The following RNASET2 variants were observed in gnomAD, a reference collection of about 807,000 sequenced individuals.
RNASET2 encodes ribonuclease T2, also known as ribonuclease 6.
RNASET2 carries 28 observed loss-of-function variants against 33.9 expected under a neutral mutation model. The observed-to-expected ratio is 0.83, with a 90% CI of 0.61 to 1.13. The LOEUF (loss-of-function observed/expected upper bound fraction) is 1.13. Among genes scored for constraint, RNASET2 ranks in the 50% most tolerant of loss-of-function variants. The pLI, the probability that RNASET2 is intolerant of heterozygous loss-of-function variation, is 0.00. For missense variants in RNASET2, 330 were observed against 319.9 expected (o/e 1.03, Z -0.24); for synonymous variants, 123 against 121.0 (o/e 1.02, Z -0.11).
rs1447287930 is a variant in RNASET2 at position 166,927,365 on chromosome 6, C to T, written c.*2223G>A. Among the ~76,000 whole-genome samples the T allele has an allele frequency of 6.6e-6, 1 of 152,084 alleles. No homozygotes were observed. Among genetic ancestry groups the T allele is most frequent in the Admixed American group, 6.6e-5 (1 of 15,262 alleles). On this transcript the variant is annotated 3_prime_UTR_variant, in exon 9 of 9. Transcript: ENST00000508775. ...GCTTGTGCTCATGTTTTGAACCATC[C>T]AGCCCCTCACCAGTGCCTTCTTCCA...
intron 1 of RNASET2, among the ~76,000 whole-genome samples, chr6:166,955,175 CCA>C (rs144459587): frequency 0.093 from 12,195 of 131,052 alleles, 1,018 homozygotes; most frequent in African/African-American, 0.17. Context: ...TGGGCGGCTG[CCA>C]CACACACACA....
intron 1 of RNASET2, among the ~76,000 whole-genome samples, chr6:166,955,273 GCACACACGACACACA>G (rs1779104553): frequency 3.5e-5 from 3 of 84,728 alleles, no homozygotes; most frequent in African/African-American, 1.7e-4. Context: ...ACACACACGC[GCACACACGACACACA>G]CGCACAGACG....
chr6:166,938,397 T>A (rs973911580), intron 6 of RNASET2, among the ~76,000 whole-genome samples: 1 of 151,992 alleles, frequency 6.6e-6, no homozygotes. Flanking sequence ...TTCTCAAGAA[T>A]AGAGGTGAGG....
intron 6 of RNASET2, among the ~76,000 whole-genome samples, chr6:166,936,034 G>A (rs1241896534): frequency 6.6e-6 from 1 of 152,088 alleles, no homozygotes; most frequent in Non-Finnish European, 1.5e-5. Flanking sequence ...TGTGATACCA[G>A]TTTACAAGGA....
At chr6:166,939,299 C>T (rs1378073736) in intron 5 of RNASET2, among the ~76,000 whole-genome samples, 2 of 152,182 alleles carry the variant, frequency 1.3e-5, no homozygotes, top group Non-Finnish European at 2.9e-5. Context: ...TGCCATTGCA[C>T]TATAGCCTGG....
chr6:166,955,507 T>C (rs1779142543), intron 1 of RNASET2: 1 of 986,216 alleles, frequency 1.0e-6, no homozygotes. Flanking sequence ...CCCGCCGCAG[T>C]GAAAGCTGAA....
At chr6:166,943,927 C>A in intron 4 of RNASET2, 1 of 284,702 alleles carries the variant, frequency 3.5e-6, no homozygotes, top group Non-Finnish European at 7.3e-6. Context: ...CGAGACCATC[C>A]TGGCCAACCT....
At chr6:166,950,213 G>A (rs113174740) in intron 2 of RNASET2, among the ~76,000 whole-genome samples, 6,320 of 152,070 alleles carry the variant, frequency 0.042, 240 homozygotes, top group African/African-American at 0.097. Flanking sequence ...CCTCCTCCAC[G>A]GTCCTTCTTC....
chr6:166,948,510 G>T, intron 3 of RNASET2, 60 bp downstream of exon 3: 1 of 1,001,566 alleles, frequency 1.0e-6, no homozygotes. Flanking sequence ...CCACATTCAA[G>T]CTAGGGTTCC....
chr6:166,952,866 A>G, intron 1 of RNASET2: 1 of 373,144 alleles, frequency 2.7e-6, no homozygotes, highest in South Asian at 2.4e-5. Context: ...GAAGCCACTG[A>G]GCCACGAAGC....
intron 6 of RNASET2, 82 bp from the exon 7 acceptor site, chr6:166,934,218 G>A (rs989282013): frequency 3.2e-6 from 3 of 932,406 alleles, no homozygotes; most frequent in African/African-American, 1.6e-5. Flanking sequence ...CATATTTCAT[G>A]GTAAAAATTA....
chr6:166,945,843 A>AAAAG (rs1554268872), intron 4 of RNASET2, among the ~76,000 whole-genome samples: 13 of 146,310 alleles, frequency 8.9e-5, no homozygotes, highest in African/African-American at 3.5e-4. Context: ...AAAAAAAAAA[A>AAAAG]AAAAGAAAAG....
intron 1 of RNASET2, 70 bp downstream of exon 1, chr6:166,956,027 G>A (rs1779156406): frequency 7.0e-7 from 1 of 1,434,532 alleles, no homozygotes; most frequent in Non-Finnish European, 9.6e-7. Context: ...GAGAGCTGCA[G>A]CCTTCACCCA....
chr6:166,931,007 T>A (rs1330797744), intron 8 of RNASET2, 37 bp downstream of exon 8: 92 of 1,455,290 alleles, frequency 6.3e-5, no homozygotes, highest in Non-Finnish European at 8.7e-5. Flanking sequence ...ACCTGTCTTC[T>A]TGAGAAAAAA....
At chr6:166,930,968 G>T in intron 8 of RNASET2, 76 bp downstream of exon 8, 2 of 1,003,050 alleles carry the variant, frequency 2.0e-6, no homozygotes, top group Non-Finnish European at 1.6e-6. Flanking sequence ...GGAACTGCAT[G>T]GTGAAGACAA....
rs375870122 is a variant in RNASET2 at position 166,952,427 on chromosome 6, C to T, written c.147+61G>A. Reference sequence around the variant, plus strand: ...TGGGTGCCCTGGACGGGCACGTGCACACAAACCCCTCTTCACAGGGCTCCC... The same window carrying T: ...TGGGTGCCCTGGACGGGCACGTGCATACAAACCCCTCTTCACAGGGCTCCC... On this transcript the variant is annotated intron_variant, in intron 2 of 8. Coordinates refer to ENST00000508775, the MANE Select transcript of RNASET2 (RefSeq NM_003730.6). 9 of 1,480,920 alleles carry T rather than the reference C, an allele frequency of 6.1e-6. No individual in the cohort carries two copies. The African/African-American group carries it at 1.2e-4, about 21-fold the overall frequency. The allele number at this position is 1,480,920 out of a possible 1,614,324, so 91.7% of individuals were successfully genotyped here. A position where few individuals can be genotyped will look rare whatever the true frequency, so the allele number is the denominator to read the frequency against.
intron 6 of RNASET2, among the ~76,000 whole-genome samples, chr6:166,935,836 G>C (rs957723529): frequency 6.6e-6 from 1 of 152,118 alleles, no homozygotes; most frequent in Non-Finnish European, 1.5e-5. Context: ...ACCATGCCCA[G>C]CTAATTTTTG....
At position 166,927,111 on chromosome 6, in the gene RNASET2, C is replaced by T. The variant is rs981194500; in HGVS notation, c.*2477G>A. Among the ~76,000 whole-genome samples, 1 of 152,204 alleles carries T rather than the reference C, an allele frequency of 6.6e-6. No homozygotes were observed. The highest frequency in any genetic ancestry group is 1.9e-4 in the East Asian group (1 of 5,202). ...AACCGTGTGGTCAGAGTTGCATCTT[C>T]CTGAGTTGAATCTGGAAAATGCACG... On this transcript the variant is annotated 3_prime_UTR_variant, in exon 9 of 9. Coordinates refer to ENST00000508775, the MANE Select transcript of RNASET2 (RefSeq NM_003730.6).
intron 4 of RNASET2, among the ~76,000 whole-genome samples, chr6:166,945,830 CAAAAAAAAA>C (rs770959298): frequency 2.8e-5 from 2 of 72,472 alleles, no homozygotes; most frequent in African/African-American, 8.2e-5. Context: ...AACTCTGTCT[CAAAAAAAAA>C]AAAAAAAAGA....
Sources: allele counts gnomAD v4.1 joint callset (sites outside exome capture counted in the v4.1 genomes callset), GRCh38; gene constraint gnomAD v4.1.1; transcripts MANE v1.5; gene names NCBI Gene and HGNC (gene_info 2026-07-23, HGNC 2026-07-21).